Variants in METTL9 observed in about 807,000 individuals in gnomAD.
METTL9 encodes the protein methyltransferase 9, His-X-His N1(pi)-histidine, also known as protein-L-histidine N-pros-methyltransferase.
METTL9 carries 10 observed loss-of-function variants against 36.0 expected under a neutral mutation model. The ratio of observed to expected loss-of-function variants is 0.28; its 90% CI spans 0.17 to 0.47. The LOEUF (loss-of-function observed/expected upper bound fraction) is 0.47, where lower values mean the gene tolerates loss of function less well. Ranked by LOEUF, METTL9 falls within the 20% of genes least tolerant of loss-of-function variation. The pLI, the probability that METTL9 is intolerant of heterozygous loss-of-function variation, is 0.99. For missense variants in METTL9, 246 were observed against 383.5 expected (o/e 0.64, Z 3.00); for synonymous variants, 175 against 149.7 (o/e 1.17, Z -1.23).
At chr16:21,629,568 G>C (rs1177266059) in intron 4 of METTL9, among the ~76,000 whole-genome samples, 3 of 152,080 alleles carry the variant, frequency 2.0e-5, no homozygotes, top group African/African-American at 7.2e-5. Flanking sequence ...GGAGGTGTTA[G>C]TTCCTTCTGG....
chr16:21,641,621 T>A, intron 4 of METTL9: 1 of 1,459,464 alleles, frequency 6.9e-7, no homozygotes. Flanking sequence ...TAGAAAGCCA[T>A]GTTTAAGGTT....
intron 2 of METTL9, 103 bp downstream of exon 2, chr16:21,612,938 C>T (rs1965461808): frequency 1.0e-6 from 1 of 1,001,790 alleles, no homozygotes; most frequent in Non-Finnish European, 1.4e-6. Flanking sequence ...ACTACCTGAG[C>T]TACAATACTT....
chr16:21,647,996 C>T (rs1966473794), intron 4 of METTL9, among the ~76,000 whole-genome samples: 1 of 152,242 alleles, frequency 6.6e-6, no homozygotes, highest in South Asian at 2.1e-4. Context: ...GAGTTGAGAT[C>T]GCCAGGAATT....
intron 4 of METTL9, chr16:21,654,571 A>T (rs1966662149): frequency 6.6e-6 from 1 of 152,306 alleles, no homozygotes; most frequent in African/African-American, 2.4e-5. Flanking sequence ...TAGTCCAAGA[A>T]ATGCTGGACG....
In METTL9 at chr16:21,634,061, A is replaced by C. The variant is rs150728790; in HGVS notation, c.751+8946A>C. Among the ~76,000 whole-genome samples the C allele has an allele frequency of 8.4e-3, 1,272 of 152,306 alleles. 15 individuals carry two copies. The highest frequency in any genetic ancestry group is 0.029 in the African/African-American group (1,200 of 41,566). On this transcript the variant is annotated intron_variant, in intron 4 of 4. Transcript: ENST00000358154. ...GGATGTGGGACTTTCAGGCTTAACAAGAAAGGCAAGTGAAAAGAGCAAAGT... is the reference window on the plus strand; with the variant it reads ...GGATGTGGGACTTTCAGGCTTAACACGAAAGGCAAGTGAAAAGAGCAAAGT...
chr16:21,610,291 G>A (rs1387484074), intron 1 of METTL9, among the ~76,000 whole-genome samples: 1 of 152,168 alleles, frequency 6.6e-6, no homozygotes, highest in South Asian at 2.1e-4. Flanking sequence ...GCATAATGTT[G>A]TCAAGGTTCA....
intron 4 of METTL9, chr16:21,647,510 T>A: frequency 6.3e-7 from 1 of 1,597,366 alleles, no homozygotes; most frequent in Non-Finnish European, 8.6e-7. Flanking sequence ...AGGAAGCAGA[T>A]GAGTGGGTTA....
chr16:21,630,514 C>T (rs561362093), intron 4 of METTL9, among the ~76,000 whole-genome samples: 3 of 152,336 alleles, frequency 2.0e-5, no homozygotes, highest in South Asian at 2.1e-4. Context: ...CTCAATCCCC[C>T]GTCTAAACAG....
chr16:21,652,744 C>T (rs1966611203), intron 4 of METTL9: 1 of 574,396 alleles, frequency 1.7e-6, no homozygotes, highest in African/African-American at 1.9e-5. Flanking sequence ...AGGATGGCTT[C>T]ACCATTTAAC....
chr16:21,597,820 G>T (rs1403623596), upstream of METTL9, among the ~76,000 whole-genome samples: 1 of 152,154 alleles, frequency 6.6e-6, no homozygotes, highest in African/African-American at 2.4e-5. Context: ...TGCTACCATA[G>T]TTCCTTTTTG....
At chr16:21,622,141 C>CTTTTGTTTTTTTTTTTTTTT (rs1965715367) in intron 3 of METTL9, among the ~76,000 whole-genome samples, 1 of 34,922 alleles carries the variant, frequency 2.9e-5, no homozygotes, top group Non-Finnish European at 4.6e-5. Context: ...CATGCCTGGC[C>CTTTTGTTTTTTTTTTTTTTT]TTTTTTTTTT....
At chr16:21,650,288 C>T (rs1350757347) in intron 4 of METTL9, among the ~76,000 whole-genome samples, 1 of 152,124 alleles carries the variant, frequency 6.6e-6, no homozygotes, top group African/African-American at 2.4e-5. Flanking sequence ...GGGCAGATCA[C>T]CTGAGGTCAG....
At chr16:21,619,193 A>T (rs2152894878) in intron 3 of METTL9, among the ~76,000 whole-genome samples, 1 of 152,214 alleles carries the variant, frequency 6.6e-6, no homozygotes, top group Admixed American at 6.5e-5. Context: ...CCAGAAGTGG[A>T]GTTGCTGGAT....
At chr16:21,624,393 C>T (rs776888052) in intron 3 of METTL9, among the ~76,000 whole-genome samples, 4 of 152,046 alleles carry the variant, frequency 2.6e-5, no homozygotes, top group Non-Finnish European at 4.4e-5. Context: ...AAGGAAACTT[C>T]GTATGTGTTG....
At chr16:21,618,963 G>T (rs1965623825) in intron 3 of METTL9, among the ~76,000 whole-genome samples, 1 of 152,032 alleles carries the variant, frequency 6.6e-6, no homozygotes, top group African/African-American at 2.4e-5. Context: ...AATCCAAAGT[G>T]CTGGGATTAC....
intron 1 of METTL9, among the ~76,000 whole-genome samples, chr16:21,602,345 A>G (rs78111322): frequency 3.3e-5 from 5 of 152,326 alleles, no homozygotes; most frequent in African/African-American, 7.2e-5. Context: ...TTGTTAGTAT[A>G]GTTTGGAGAG....
intron 1 of METTL9, among the ~76,000 whole-genome samples, chr16:21,610,591 G>A (rs1965404072): frequency 2.0e-5 from 3 of 152,230 alleles, no homozygotes; most frequent in South Asian, 4.1e-4. Context: ...GTGACAGTAA[G>A]GGTTCAACCA....
intron 4 of METTL9, chr16:21,640,402 A>G (rs1349767329): frequency 6.6e-6 from 1 of 151,920 alleles, no homozygotes; most frequent in African/African-American, 2.4e-5. Context: ...TGAATTCCAT[A>G]AATATCCTTG....
Position 21,599,960 on chromosome 16 carries a change from C to T in METTL9, c.165+62C>T, listed in dbSNP as rs887734299. On this transcript the variant is annotated intron_variant, in intron 1 of 4. Coordinates refer to ENST00000358154, the MANE Select transcript of METTL9 (RefSeq NM_016025.5). The surrounding 1 kb of genome is among the most constrained non-coding windows in gnomAD (Gnocchi z 4.4). ...CGGCCCGGCCTTCCCGCGCTGGGCCCGGCTATTGTGCGGGACGGCTCCGCG... is the reference window on the plus strand; with the variant it reads ...CGGCCCGGCCTTCCCGCGCTGGGCCTGGCTATTGTGCGGGACGGCTCCGCG... 4.0e-6 allele frequency: 5 copies of T among 1,259,350 alleles called. No homozygotes were observed. The highest frequency in any genetic ancestry group is 5.0e-6 in the Non-Finnish European group (5 of 1,002,452). The allele number at this position is 1,259,350 out of a possible 1,614,324, so 78.0% of individuals were successfully genotyped here.
Sources: gnomAD v4.1 joint callset for allele counts (sites outside exome capture counted in the v4.1 genomes callset) on GRCh38, gnomAD v4.1.1 for gene constraint, Gnocchi (gnomAD v3.1) non-coding constraint, MANE v1.5 for transcripts, NCBI Gene and HGNC (gene_info 2026-07-23, HGNC 2026-07-21) for gene names.